The following QTGAL variants were observed in gnomAD, a reference collection of about 807,000 sequenced individuals.
QTGAL encodes the protein queuosine-tRNA galactosyltransferase, also known as BGnT-like protein 1.
chr17:83,049,872 A>T, the QTGAL span, among the ~76,000 whole-genome samples: 4 of 152,326 alleles, frequency 2.6e-5, no homozygotes, highest in South Asian at 8.3e-4. Context: ...ATGCCAACAA[A>T]ACAACTGATT....
chr17:83,048,975 A>G, the QTGAL span: 1 of 569,064 alleles, frequency 1.8e-6, no homozygotes, highest in Non-Finnish European at 3.1e-6. Flanking sequence ...TGCCTTCTAC[A>G]TGTTTTTGAA....
the QTGAL span, among the ~76,000 whole-genome samples, chr17:82,982,154 G>A: frequency 5.8e-3 from 48 of 8,306 alleles, 6 homozygotes; most frequent in African/African-American, 0.04. Context: ...GTGATGGGCC[G>A]AGCGGGTGGA....
At chr17:82,960,765 AG>A in the QTGAL span, among the ~76,000 whole-genome samples, 4 of 152,232 alleles carry the variant, frequency 2.6e-5, no homozygotes, top group South Asian at 4.1e-4. Flanking sequence ...AAGGGAGCAC[AG>A]GGTTTCAGAA....
At chr17:83,038,156 C>G in the QTGAL span, among the ~76,000 whole-genome samples, 1 of 152,152 alleles carries the variant, frequency 6.6e-6, no homozygotes, top group African/African-American at 2.4e-5. Context: ...TCTATGTTAT[C>G]TAATAGTCAA....
chr17:83,018,399 T>C, the QTGAL span, among the ~76,000 whole-genome samples: 3 of 152,232 alleles, frequency 2.0e-5, no homozygotes, highest in African/African-American at 7.2e-5. Flanking sequence ...CAAAAATATA[T>C]TTGTAAAACA....
At chr17:83,038,022 C>A in the QTGAL span, among the ~76,000 whole-genome samples, 1 of 152,036 alleles carries the variant, frequency 6.6e-6, no homozygotes, top group Non-Finnish European at 1.5e-5. Flanking sequence ...GGGGATTGTA[C>A]TTCATTTTGG....
At chr17:82,943,282 G>C in the QTGAL span, 2 of 152,352 alleles carry the variant, frequency 1.3e-5, no homozygotes, top group Non-Finnish European at 2.9e-5. Context: ...AGCTCGTGCT[G>C]ATCCATCCCA....
At chr17:83,006,943 C>T in the QTGAL span, 2 of 547,904 alleles carry the variant, frequency 3.7e-6, no homozygotes, top group Non-Finnish European at 4.6e-6. This position sits in a 1 kb window ranked among gnomAD's most constrained non-coding sequence, Gnocchi z 5.8. Flanking sequence ...GTCTCTCACC[C>T]TCAGTGATGC....
the QTGAL span, among the ~76,000 whole-genome samples, chr17:82,997,626 A>G: frequency 6.6e-6 from 1 of 152,218 alleles, no homozygotes. Flanking sequence ...CAAGATTTGG[A>G]AACAATCTAA....
chr17:82,961,246 C>A, the QTGAL span: 1 of 1,559,902 alleles, frequency 6.4e-7, no homozygotes, highest in Non-Finnish European at 8.7e-7. Flanking sequence ...CCCGGATGCA[C>A]ACTACACCTG....
At chr17:82,969,693 T>G in the QTGAL span, among the ~76,000 whole-genome samples, 2 of 151,866 alleles carry the variant, frequency 1.3e-5, no homozygotes, top group Non-Finnish European at 2.9e-5. Context: ...CTTTTAAATT[T>G]TTTTTTTATA....
the QTGAL span, among the ~76,000 whole-genome samples, chr17:82,977,901 G>GT: frequency 6.6e-6 from 1 of 152,122 alleles, no homozygotes; most frequent in Non-Finnish European, 1.5e-5. Flanking sequence ...ACCGGGGTTT[G>GT]GTGCCCAGCA....
chr17:83,049,559 C>T, the QTGAL span, among the ~76,000 whole-genome samples: 1 of 151,640 alleles, frequency 6.6e-6, no homozygotes, highest in Admixed American at 6.6e-5. Context: ...ATTACAGGTG[C>T]TGGCTGGTCA....
chr17:83,005,861 T>TGCCCG, the QTGAL span: 1 of 1,365,334 alleles, frequency 7.3e-7, no homozygotes, highest in South Asian at 1.6e-5. This position sits in a 1 kb window ranked among gnomAD's most constrained non-coding sequence, Gnocchi z 5.6. Context: ...CCCTCCGCCC[T>TGCCCG]GCCCGGCCCC....
chr17:83,050,384 T>TA, the QTGAL span, among the ~76,000 whole-genome samples: 8,101 of 150,062 alleles, frequency 0.054, 358 homozygotes, highest in Admixed American at 0.14. Flanking sequence ...AAATAAAAAT[T>TA]AAAAAAAAAA....
the QTGAL span, chr17:83,005,679 G>A: frequency 1.4e-6 from 1 of 703,490 alleles, no homozygotes; most frequent in South Asian, 1.5e-5. This position sits in a 1 kb window ranked among gnomAD's most constrained non-coding sequence, Gnocchi z 5.6. Flanking sequence ...TCCCTAAGTG[G>A]AGAAGAGCCT....
At chr17:83,026,231 C>A in the QTGAL span, among the ~76,000 whole-genome samples, 1 of 152,162 alleles carries the variant, frequency 6.6e-6, no homozygotes, top group Admixed American at 6.5e-5. Context: ...CGTGGGTGTT[C>A]GCAGGCATCA....
the QTGAL span, among the ~76,000 whole-genome samples, chr17:82,985,318 T>C: frequency 6.6e-6 from 1 of 152,190 alleles, no homozygotes; most frequent in South Asian, 2.1e-4. Flanking sequence ...ACATAAAACT[T>C]GACTTGGTGG....
At chr17:82,958,548 C>A in the QTGAL span, among the ~76,000 whole-genome samples, 1 of 152,092 alleles carries the variant, frequency 6.6e-6, no homozygotes, top group African/African-American at 2.4e-5. Context: ...ACTTGTGACT[C>A]CCCCCCAACC....
Sources: allele counts gnomAD v4.1 joint callset (sites outside exome capture counted in the v4.1 genomes callset), GRCh38; gene constraint gnomAD v4.1.1; non-coding constraint Gnocchi (gnomAD v3.1); transcripts MANE v1.5; gene names NCBI Gene and HGNC (gene_info 2026-07-23, HGNC 2026-07-21).